ZNF676: variants seen among roughly 807,000 people sequenced by gnomAD.
ZNF676 encodes zinc finger protein 676.
A neutral mutation model predicts 6.0 loss-of-function variants in ZNF676; 4 were observed. The observed-to-expected ratio is 0.67, with a 90% CI of 0.33 to 1.53. The LOEUF is 1.53. Ranked by LOEUF, ZNF676 falls within the 40% of genes most tolerant of loss-of-function variation. The probability of loss-of-function intolerance (pLI) is 0.06; values close to 1 mark genes in which losing one functional copy is unlikely to be tolerated. For synonymous variants in ZNF676, 198 were observed against 223.1 expected, an observed-to-expected ratio of 0.89 and a Z score of 1.00; for missense variants, 644 against 679.7, an observed-to-expected ratio of 0.95 and a Z score of 0.58.
chr19:22,192,947 C>T, intron 2 of ZNF676, 69 bp downstream of exon 2: 1 of 1,472,240 alleles, frequency 6.8e-7, no homozygotes, highest in South Asian at 1.5e-5. Flanking sequence ...TCCCAAATGA[C>T]TTTAAGGACT....
the ZNF676 span, among the ~76,000 whole-genome samples, chr19:22,256,638 T>G: frequency 6.6e-6 from 1 of 152,160 alleles, no homozygotes; most frequent in Non-Finnish European, 1.5e-5. Context: ...ATGTGCCTCC[T>G]ATCCCCTATG....
At chr19:22,215,540 T>A in intron 1 of ZNF676, 1 of 1,450,690 alleles carries the variant, frequency 6.9e-7, no homozygotes, top group Non-Finnish European at 9.6e-7. Flanking sequence ...TGGAGCTGAC[T>A]GCGGGTAGGC....
At chr19:22,200,831 G>A (rs2024018234), upstream of ZNF676, among the ~76,000 whole-genome samples, 1 of 152,074 alleles carries the variant, frequency 6.6e-6, no homozygotes, top group South Asian at 2.1e-4. Context: ...TTACAGGTAT[G>A]AGACACTGCA....
At chr19:22,209,459 A>G (rs1180055545) in intron 1 of ZNF676, among the ~76,000 whole-genome samples, 1 of 152,174 alleles carries the variant, frequency 6.6e-6, no homozygotes, top group Non-Finnish European at 1.5e-5. Context: ...AAATAAGAAC[A>G]CATGAACACA....
the ZNF676 span, among the ~76,000 whole-genome samples, chr19:22,245,649 G>T: frequency 6.6e-6 from 1 of 152,002 alleles, no homozygotes. Flanking sequence ...GCTAGGTTCG[G>T]TGATATATCA....
chr19:22,212,834 A>G (rs2024143651), intron 1 of ZNF676, among the ~76,000 whole-genome samples: 1 of 152,018 alleles, frequency 6.6e-6, no homozygotes, highest in Non-Finnish European at 1.5e-5. Context: ...ATCTCTACCA[A>G]AAATACAAAA....
chr19:22,237,697 C>G, the ZNF676 span, among the ~76,000 whole-genome samples: 18 of 152,264 alleles, frequency 1.2e-4, no homozygotes, highest in South Asian at 2.3e-3. Flanking sequence ...TGGCAGCATG[C>G]ATCAGAAAGG....
At chr19:22,250,618 ATTGT>A in the ZNF676 span, among the ~76,000 whole-genome samples, 5 of 150,634 alleles carry the variant, frequency 3.3e-5, no homozygotes, top group African/African-American at 1.2e-4. Flanking sequence ...TTTTTTGGTC[ATTGT>A]TTGTTTGTTT....
At chr19:22,229,619 T>C in the ZNF676 span, among the ~76,000 whole-genome samples, 1 of 152,152 alleles carries the variant, frequency 6.6e-6, no homozygotes, top group Non-Finnish European at 1.5e-5. Context: ...AAAGGGCTAA[T>C]ATCCAGGCTC....
the ZNF676 span, chr19:22,243,184 G>A: frequency 6.6e-6 from 1 of 151,954 alleles, no homozygotes; most frequent in Non-Finnish European, 1.5e-5. Context: ...GATGGGTCTA[G>A]AGATATGTTA....
At chr19:22,256,596 G>A in the ZNF676 span, among the ~76,000 whole-genome samples, 1,793 of 152,110 alleles carry the variant, frequency 0.012, 40 homozygotes, top group African/African-American at 0.04. Flanking sequence ...GCAGAGATAT[G>A]TCACAAGGCC....
At chr19:22,187,773 A>G (rs2023857945) in intron 2 of ZNF676, among the ~76,000 whole-genome samples, 2 of 152,176 alleles carry the variant, frequency 1.3e-5, no homozygotes, top group Admixed American at 1.3e-4. Flanking sequence ...AATCTAGAAG[A>G]AATGAATAAA....
chr19:22,228,095 A>G, the ZNF676 span, among the ~76,000 whole-genome samples: 1 of 152,244 alleles, frequency 6.6e-6, no homozygotes, highest in African/African-American at 2.4e-5. Flanking sequence ...CATTGATGTG[A>G]AAATCCTCAA....
At chr19:22,222,641 T>C in the ZNF676 span, among the ~76,000 whole-genome samples, 1 of 145,864 alleles carries the variant, frequency 6.9e-6, no homozygotes, top group East Asian at 2.0e-4. Context: ...CAAGTTTATA[T>C]AAACTGGTTA....
chr19:22,233,760 C>T, the ZNF676 span, among the ~76,000 whole-genome samples: 2 of 151,248 alleles, frequency 1.3e-5, no homozygotes, highest in Non-Finnish European at 3.0e-5. Flanking sequence ...GCCACCATGA[C>T]CATTTTGTTC....
At chr19:22,238,959 T>C in the ZNF676 span, among the ~76,000 whole-genome samples, 12 of 152,330 alleles carry the variant, frequency 7.9e-5, no homozygotes, top group Admixed American at 3.3e-4. Flanking sequence ...ACTCAGTTGT[T>C]AATCTCCTTT....
At chr19:22,222,594 A>G in the ZNF676 span, among the ~76,000 whole-genome samples, 1 of 152,146 alleles carries the variant, frequency 6.6e-6, no homozygotes, top group African/African-American at 2.4e-5. Flanking sequence ...TTTGCATTGC[A>G]TTGGTTTTTG....
At chr19:22,256,243 G>T in the ZNF676 span, among the ~76,000 whole-genome samples, 1 of 152,348 alleles carries the variant, frequency 6.6e-6, no homozygotes, top group East Asian at 1.9e-4. Context: ...TGTGAGATGG[G>T]ACATGTAACC....
chr19:22,216,412 G>A (rs1207625038), upstream of ZNF676, among the ~76,000 whole-genome samples: 1 of 150,560 alleles, frequency 6.6e-6, no homozygotes, highest in Non-Finnish European at 1.5e-5. Context: ...TGCGGCCTGG[G>A]CAACAAGAGT....
Sources: gnomAD v4.1 joint callset for allele counts (sites outside exome capture counted in the v4.1 genomes callset) on GRCh38, gnomAD v4.1.1 for gene constraint, MANE v1.5 for transcripts, NCBI Gene and HGNC (gene_info 2026-07-23, HGNC 2026-07-21) for gene names.